Variants in ROBO3 observed in about 807,000 individuals in gnomAD.
ROBO3 encodes roundabout homolog 3.
Under a neutral mutation model 160.5 loss-of-function variants are expected in ROBO3, and 97 were observed. That is an observed-to-expected ratio of 0.60 (90% CI 0.51 to 0.72). The LOEUF (loss-of-function observed/expected upper bound fraction) is 0.72, where lower values mean the gene tolerates loss of function less well. ROBO3 is among the 30% of genes least tolerant of loss of function. The pLI is 0.00. For synonymous variants in ROBO3, 780 were observed against 746.2 expected (o/e 1.05, Z -0.74); for missense variants, 1,858 against 1,846.5 (o/e 1.01, Z -0.11).
intron 14 of ROBO3, 50 bp from the exon 15 acceptor site, chr11:124,875,514 G>A: frequency 1.2e-6 from 2 of 1,602,112 alleles, no homozygotes; most frequent in Non-Finnish European, 8.5e-7. Flanking sequence ...AGGAGGGGCA[G>A]CTTGCAATGA....
chr11:124,870,026 G>A lies in ROBO3; in HGVS notation c.724G>A (p.Ala242Thr). ...GTATGTGTGCGTAGCCTCCAACATG[G>A]CGGGAGAACGGGAGAGTGCGGCAGC... is the stretch of plus-strand genomic sequence containing the variant. ...GMYVCVASNM[A>T]GERESAAAEV... Residue 242 changes from alanine (A) to threonine (T), a missense_variant, in exon 4 of 28, where the codon GCG becomes ACG. Coordinates refer to ENST00000397801, the MANE Select transcript of ROBO3 (RefSeq NM_022370.4). The A allele has an allele frequency of 6.2e-7, 1 of 1,614,050 alleles. No individual in the cohort carries two copies. Among genetic ancestry groups the A allele is most frequent in the East Asian group, 2.2e-5 (1 of 44,882 alleles).
intron 23 of ROBO3, 156 bp from the exon 24 acceptor site, chr11:124,879,034 G>A (rs1946484379): frequency 2.2e-6 from 2 of 894,194 alleles, no homozygotes; most frequent in South Asian, 3.5e-5. Flanking sequence ...TTTCAGATAT[G>A]GCTCTCCTTA....
Position 124,870,734 on chromosome 11 carries a change from G to C in ROBO3, c.1033+6G>C, listed in dbSNP as rs570770757. On this transcript the variant is annotated splice_donor_region_variant and intron_variant, in intron 6 of 27. Transcript: ENST00000397801. Reference sequence around the variant, plus strand: ...TGGCTCCCTCAGTGTTCACGGTGAGGGCTGTACTTGGGACTGCCTGCAGCA... The same window carrying C: ...TGGCTCCCTCAGTGTTCACGGTGAGCGCTGTACTTGGGACTGCCTGCAGCA... 6.2e-7 allele frequency: 1 copy of C among 1,609,574 alleles called. No individual in the cohort carries two copies. The highest frequency in any genetic ancestry group is 2.2e-5 in the East Asian group (1 of 44,746).
At chr11:124,866,343 G>T (rs941296664) in intron 1 of ROBO3, among the ~76,000 whole-genome samples, 1 of 152,206 alleles carries the variant, frequency 6.6e-6, no homozygotes, top group Non-Finnish European at 1.5e-5. Context: ...CGGCGAGGTC[G>T]TTACCGCTAA....
Position 124,880,354 on chromosome 11 carries a change from G to A in ROBO3, c.3959-64G>A. On this transcript the variant is annotated intron_variant, in intron 26 of 27. Transcript: ENST00000397801. ...GCTGAGCCTGTGGTCAGGGTGGCAG[G>A]GTGGGTGACAGGGAAGTTCTGCTTC... The A allele has an allele frequency of 5.0e-6, 8 of 1,592,516 alleles. No homozygotes were observed. The Admixed American group carries it at 1.2e-4, about 24-fold the overall frequency.
Position 124,869,429 on chromosome 11 carries a change from G to GGGCGC in ROBO3, c.488-21_488-20insGGCGC. The GGGCGC allele has an allele frequency of 7.7e-7, 1 of 1,295,764 alleles. No homozygotes were observed. Among genetic ancestry groups the GGGCGC allele is most frequent in the Non-Finnish European group, 1.1e-6 (1 of 929,942 alleles). The allele number at this position is 1,295,764 out of a possible 1,614,324, so 80.3% of individuals were successfully genotyped here. A position where few individuals can be genotyped will look rare whatever the true frequency, so the allele number is the denominator to read the frequency against. ...TGTCACTCTACACCCTGCTTATTTC[G>GGGCGC]CCCCCCACCGCCCCGCCCAGTCCTC... On this transcript the variant is annotated intron_variant, in intron 2 of 27. Coordinates refer to ENST00000397801, the MANE Select transcript of ROBO3 (RefSeq NM_022370.4). This position sits in a 1 kb window ranked among gnomAD's most constrained non-coding sequence, Gnocchi z 4.2.
At position 124,865,583 on chromosome 11, in the gene ROBO3, GCGCTACCTGCTGAAAA is replaced by G. The variant is rs1359882183; in HGVS notation, c.11_26del (p.Tyr4CysfsTer4). ...GATCCCAGCTGGGTCGAGCCATGCT[GCGCTACCTGCTGAAAA>G]CGCTGCTGCAGATGAACTTGTTCGC... is the stretch of plus-strand genomic sequence containing the variant. On this transcript the variant is annotated frameshift_variant, in exon 1 of 28. Coordinates refer to ENST00000397801, the MANE Select transcript of ROBO3 (RefSeq NM_022370.4). LOFTEE classifies it high-confidence loss of function. This position sits in a 1 kb window ranked among gnomAD's most constrained non-coding sequence, Gnocchi z 5.5. 1 of 1,611,394 alleles carries G rather than the reference GCGCTACCTGCTGAAAA, an allele frequency of 6.2e-7. No homozygotes were observed. The highest frequency in any genetic ancestry group is 1.3e-5 in the African/African-American group (1 of 74,872).
chr11:124,874,814 G>A lies in ROBO3; in HGVS notation c.1978G>A (p.Asp660Asn). 6.2e-7 allele frequency: 1 copy of A among 1,605,744 alleles called. No individual in the cohort carries two copies. The highest frequency in any genetic ancestry group is 8.5e-7 in the Non-Finnish European group (1 of 1,176,232). Residue 660 changes from aspartate (D) to asparagine (N), a missense_variant, in exon 13 of 28, where the codon GAC becomes AAC. Transcript: ENST00000397801. ...TAGCAGCCCCTCTAGGCCAGTGGAG[G>A]ACCCATGGAGAGGCCAGCAGGGACT... Reference protein sequence around the residue: ...QDSSPSRPVEDPWRGQQGLAE... With the variant: ...QDSSPSRPVENPWRGQQGLAE...
In ROBO3 at chr11:124,871,040, C is replaced by T. The variant is rs1429073344; in HGVS notation, c.1060C>T (p.Gln354Ter). ...HVPPQLVTQP[Q>*]DQMAAPGESV... ...CCCACCCCAGTTGGTGACCCAGCCC[C>T]AGGACCAGATGGCAGCTCCTGGAGA... is the stretch of plus-strand genomic sequence containing the variant. Residue 354 changes from glutamine (Q) to a stop codon, truncating the protein, a stop_gained, in exon 7 of 28, where the codon CAG becomes TAG. Transcript: ENST00000397801. LOFTEE classifies it high-confidence loss of function. 6.2e-7 allele frequency: 1 copy of T among 1,609,600 alleles called. No individual in the cohort carries two copies. The highest frequency in any genetic ancestry group is 8.5e-7 in the Non-Finnish European group (1 of 1,176,358).
chr11:124,869,801 T>C lies in ROBO3; in HGVS notation c.646-147T>C. 2 of 1,284,182 alleles carry C rather than the reference T, an allele frequency of 1.6e-6. No homozygotes were observed. The highest frequency in any genetic ancestry group is 2.9e-5 in the South Asian group (2 of 69,892). 79.5% of individuals were successfully genotyped at this position (1,284,182 alleles called of 1,614,324 possible). A position where few individuals can be genotyped will look rare whatever the true frequency, so the allele number is the denominator to read the frequency against. ...GATGCCCCAGGAACTTCCCATTTGA[T>C]ATGTGGGTCAACTTCCTTGGTCTCC... On this transcript the variant is annotated intron_variant, in intron 3 of 27. Coordinates refer to ENST00000397801, the MANE Select transcript of ROBO3 (RefSeq NM_022370.4). This position sits in a 1 kb window ranked among gnomAD's most constrained non-coding sequence, Gnocchi z 4.2.
In ROBO3 at chr11:124,880,481, G is replaced by T; in HGVS notation, c.4022G>T (p.Cys1341Phe). ...FLSRGQGTST[C>F]STAGSNSSRG... is the part of the protein sequence containing the mutation. ...TCCCGGGGCCAGGGCACCAGCACAT[G>T]TTCCACGGCCGGCAGCAACTCTTCC... The change falls in exon 27 of 28, where the codon TGT (cysteine) becomes TTT (phenylalanine). Residue 1341 changes from cysteine to phenylalanine, a missense_variant. Physicochemically the swap from Cys to Phe is radical, Grantham distance 205. Coordinates refer to ENST00000397801, the MANE Select transcript of ROBO3 (RefSeq NM_022370.4). 2 of 1,607,902 alleles carry T rather than the reference G, an allele frequency of 1.2e-6. No individual in the cohort carries two copies. The highest frequency in any genetic ancestry group is 1.7e-6 in the Non-Finnish European group (2 of 1,177,278).
At position 124,872,633 on chromosome 11, in the gene ROBO3, T is replaced by C. The variant is rs1946292079; in HGVS notation, c.1330+81T>C. The C allele has an allele frequency of 6.5e-6, 9 of 1,380,574 alleles. No individual in the cohort carries two copies. Among genetic ancestry groups the C allele is most frequent in the Non-Finnish European group, 8.9e-6 (9 of 1,006,162 alleles). The allele number at this position is 1,380,574 out of a possible 1,614,324, so 85.5% of individuals were successfully genotyped here. On this transcript the variant is annotated intron_variant, in intron 8 of 27. Coordinates refer to ENST00000397801, the MANE Select transcript of ROBO3 (RefSeq NM_022370.4). This position sits in a 1 kb window ranked among gnomAD's most constrained non-coding sequence, Gnocchi z 4.3. ...AAAGTGATGTGTTTCTCTTGGAGTC[T>C]ATATACTATGTCTGCAAGAGGAGAG...
Position 124,872,769 on chromosome 11 carries a change from C to A in ROBO3, c.1331-115C>A, listed in dbSNP as rs1946293945. 9.8e-7 allele frequency: 1 copy of A among 1,018,534 alleles called. No individual in the cohort carries two copies. The highest frequency in any genetic ancestry group is 1.4e-6 in the Non-Finnish European group (1 of 714,970). The allele number at this position is 1,018,534 out of a possible 1,614,324, so 63.1% of individuals were successfully genotyped here. Reference sequence around the variant, plus strand: ...TGATTATCAAAGCCCCCTCTGATCACCGGAAGTTTCAGGGGCTGGGGTAGG... The same window carrying A: ...TGATTATCAAAGCCCCCTCTGATCAACGGAAGTTTCAGGGGCTGGGGTAGG... On this transcript the variant is annotated intron_variant, in intron 8 of 27. Coordinates refer to ENST00000397801, the MANE Select transcript of ROBO3 (RefSeq NM_022370.4). The surrounding 1 kb of genome is among the most constrained non-coding windows in gnomAD (Gnocchi z 4.3).
In ROBO3 at chr11:124,876,338, G is replaced by A. The variant is rs1397409379; in HGVS notation, c.2657G>A (p.Arg886Lys). The A allele has an allele frequency of 1.0e-5, 15 of 1,432,916 alleles. No homozygotes were observed. Among genetic ancestry groups the A allele is most frequent in the Non-Finnish European group, 1.4e-5 (15 of 1,103,248 alleles). The allele number at this position is 1,432,916 out of a possible 1,614,324, so 88.8% of individuals were successfully genotyped here. A position where few individuals can be genotyped will look rare whatever the true frequency, so the allele number is the denominator to read the frequency against. ...VGAGLAVRLA[R>K]VLREPAFLAG... ...GCGGGGCTGGCGGTGCGGCTGGCGA[G>A]GGTGCTGCGGGAGCCCGCCTTCCTC... Residue 886 changes from arginine (R) to lysine (K), a missense_variant, in exon 17 of 28, where the codon AGG (arginine) becomes AAG (lysine). Physicochemically the swap from Arg to Lys is conservative, Grantham distance 26. Transcript: ENST00000397801. This position sits in a 1 kb window ranked among gnomAD's most constrained non-coding sequence, Gnocchi z 5.3.
rs1253434213 is a variant in ROBO3, at chr11:124,872,168, GC to G, written c.1159-212del. Among the ~76,000 whole-genome samples the G allele has an allele frequency of 2.0e-5, 3 of 152,226 alleles. No individual in the cohort carries two copies. Among genetic ancestry groups the G allele is most frequent in the Non-Finnish European group, 4.4e-5 (3 of 68,040 alleles). ...GGTTTCCCCACTAGTAAGTCACGGA[GC>G]TGGGAAGTAGACTCTGAAATTGTCT... is the stretch of plus-strand genomic sequence containing the variant. On this transcript the variant is annotated intron_variant, in intron 7 of 27. Transcript: ENST00000397801. The surrounding 1 kb of genome is among the most constrained non-coding windows in gnomAD (Gnocchi z 4.3).
In ROBO3 at chr11:124,877,088, A is replaced by G. The variant is rs906535182; in HGVS notation, c.2780-73A>G. 118 of 1,532,458 alleles carry G rather than the reference A, an allele frequency of 7.7e-5. 1 individual carries two copies. The Middle Eastern group carries it at 1.2e-3, about 16-fold the overall frequency. The allele number at this position is 1,532,458 out of a possible 1,614,324, so 94.9% of individuals were successfully genotyped here. A position where few individuals can be genotyped will look rare whatever the true frequency, so the allele number is the denominator to read the frequency against. On this transcript the variant is annotated intron_variant, in intron 17 of 27. Transcript: ENST00000397801. ...AACTGGGACCGGGGCCTAGGCGTGGACAAGTATAGGGGTATTTCTGACCCT... is the reference window on the plus strand; with the variant it reads ...AACTGGGACCGGGGCCTAGGCGTGGGCAAGTATAGGGGTATTTCTGACCCT...
rs183369089 is a variant in ROBO3, at chr11:124,872,866, A to G, written c.1331-18A>G. On this transcript the variant is annotated intron_variant, in intron 8 of 27. Coordinates refer to ENST00000397801, the MANE Select transcript of ROBO3 (RefSeq NM_022370.4). The surrounding 1 kb of genome is among the most constrained non-coding windows in gnomAD (Gnocchi z 4.3). ...CCTAAGCTCCTCCCCTGAGGTGCAC[A>G]CGTTCTTCCTCTCTCAGCCTCTTTG... The G allele has an allele frequency of 1.9e-6, 3 of 1,572,246 alleles. No homozygotes were observed. The highest frequency in any genetic ancestry group is 3.6e-5 in the Admixed American group (2 of 55,522).
Position 124,872,948 on chromosome 11 carries a change from C to A in ROBO3, c.1395C>A (p.Gly465=), listed in dbSNP as rs1180334012. 1.2e-6 allele frequency: 2 copies of A among 1,612,884 alleles called. No individual in the cohort carries two copies. The highest frequency in any genetic ancestry group is 2.2e-5 in the South Asian group (2 of 91,042). Residue 465 remains glycine, a synonymous_variant, in exon 9 of 28, where the codon GGC becomes GGA. Coordinates refer to ENST00000397801, the MANE Select transcript of ROBO3 (RefSeq NM_022370.4). This position sits in a 1 kb window ranked among gnomAD's most constrained non-coding sequence, Gnocchi z 4.3. ...QGPANQTLVL[G]SSVWLPCRVT... is the part of the protein sequence containing the mutation. ...CAGCCAATCAGACGCTGGTGCTTGGCTCCTCCGTGTGGCTGCCCTGCAGAG... is the reference window on the plus strand; with the variant it reads ...CAGCCAATCAGACGCTGGTGCTTGGATCCTCCGTGTGGCTGCCCTGCAGAG...
In ROBO3 at chr11:124,876,157, T is replaced by C; in HGVS notation, c.2593+32T>C. 1 of 1,569,478 alleles carries C rather than the reference T, an allele frequency of 6.4e-7. No homozygotes were observed. Among genetic ancestry groups the C allele is most frequent in the Non-Finnish European group, 8.6e-7 (1 of 1,162,160 alleles). On this transcript the variant is annotated intron_variant, in intron 16 of 27. Transcript: ENST00000397801. The surrounding 1 kb of genome is among the most constrained non-coding windows in gnomAD (Gnocchi z 5.3). ...CCACCCGAGGGCAGTGCTGAGGATC[T>C]TGACGGGGGCGGGGCAAGCCCCCCA...
Sources: gnomAD v4.1 joint callset for allele counts (sites outside exome capture counted in the v4.1 genomes callset) on GRCh38, gnomAD v4.1.1 for gene constraint, Gnocchi (gnomAD v3.1) non-coding constraint, MANE v1.5 for transcripts, NCBI Gene and HGNC (gene_info 2026-07-23, HGNC 2026-07-21) for gene names.